OVCH1: variants seen among roughly 807,000 people sequenced by gnomAD.
OVCH1 encodes the protein ovochymase 1.
Under a neutral mutation model 138.4 loss-of-function variants are expected in OVCH1, and 139 were observed. The ratio of observed to expected loss-of-function variants is 1.00; its 90% CI spans 0.87 to 1.16. The LOEUF is 1.16. Ranked by LOEUF, OVCH1 falls within the 50% of genes most tolerant of loss-of-function variation. The pLI is 0.00. For synonymous variants in OVCH1, 453 were observed against 467.8 expected (o/e 0.97, Z 0.41); for missense variants, 1,367 against 1,357.9 (o/e 1.01, Z -0.11).
intron 22 of OVCH1, among the ~76,000 whole-genome samples, chr12:29,450,618 A>G (rs534574550): frequency 2.3e-4 from 35 of 152,322 alleles, no homozygotes; most frequent in Admixed American, 7.2e-4. Flanking sequence ...CGATTCCTCA[A>G]GGATCTAGAA....
chr12:29,407,637 G>C (rs1037839230), downstream of OVCH1, among the ~76,000 whole-genome samples: 3 of 152,078 alleles, frequency 2.0e-5, no homozygotes, highest in Non-Finnish European at 4.4e-5. Context: ...CATTGTTTCT[G>C]AGGGCTCTGT....
rs1183753325 is a variant in OVCH1, at chr12:29,455,157, C to A, written c.2437+92G>T. On this transcript the variant is annotated intron_variant, in intron 20 of 27. Coordinates refer to ENST00000318184, the Ensembl canonical transcript of OVCH1. The stretch of plus-strand genomic sequence containing the variant: ...AAATGAAATTCTACTCTATGGTTTT[C>A]TCTTTCATGCTAATTTATACCACAC... 14 of 1,415,202 alleles carry A rather than the reference C, an allele frequency of 9.9e-6. No homozygotes were observed. In the Admixed American group the frequency reaches 3.2e-4, roughly 32 times the overall value. 87.7% of individuals were successfully genotyped at this position (1,415,202 alleles called of 1,614,324 possible). A position where few individuals can be genotyped will look rare whatever the true frequency, so the allele number is the denominator to read the frequency against.
At chr12:29,473,040 G>C in exon 15 of OVCH1, 2 of 1,610,140 alleles carry the variant, frequency 1.2e-6, no homozygotes, top group African/African-American at 2.7e-5. Flanking sequence ...ATGCAGAATA[G>C]CTTTTACGGT....
At chr12:29,471,867 A>C in exon 16 of OVCH1, 8 of 1,613,278 alleles carry the variant, frequency 5.0e-6, no homozygotes, top group Non-Finnish European at 6.8e-6. Context: ...CACATTGGTA[A>C]TCGCCTAGAA....
At chr12:29,490,971 T>C (rs1361074036) in intron 5 of OVCH1, 126 bp downstream of exon 5, 1 of 754,084 alleles carries the variant, frequency 1.3e-6, no homozygotes, top group African/African-American at 1.8e-5. Flanking sequence ...CCAGAAATCT[T>C]CGTTGTGTCA....
At position 29,477,085 on chromosome 12, in the gene OVCH1, A is replaced by C. The variant is rs752429675; in HGVS notation, c.1377+17T>G. 6.3e-7 allele frequency: 1 copy of C among 1,582,836 alleles called. No individual in the cohort carries two copies. On this transcript the variant is annotated intron_variant, in intron 12 of 27. Coordinates refer to ENST00000318184, the Ensembl canonical transcript of OVCH1. ...ACTCTATTCTTTATGAGGTAGAGCGATTCCTCAGTTGCCTACCTTTATAAT... is the reference window on the plus strand; with the variant it reads ...ACTCTATTCTTTATGAGGTAGAGCGCTTCCTCAGTTGCCTACCTTTATAAT...
At chr12:29,471,905 A>T in exon 16 of OVCH1, 3 of 1,613,554 alleles carry the variant, frequency 1.9e-6, no homozygotes, top group Non-Finnish European at 2.5e-6. Context: ...CATGGCCAAC[A>T]GTGGGGGCAG....
chr12:29,418,570 A>G (rs1941061706), intron 3 of OVCH1, among the ~76,000 whole-genome samples: 1 of 152,214 alleles, frequency 6.6e-6, no homozygotes, highest in Non-Finnish European at 1.5e-5. Context: ...CTGTATGGCA[A>G]AGGTTCAAAA....
chr12:29,409,922 A>G (rs1191697988), downstream of OVCH1, among the ~76,000 whole-genome samples: 3 of 152,078 alleles, frequency 2.0e-5, no homozygotes, highest in Admixed American at 6.6e-5. Context: ...AAAGTCTCCC[A>G]TTATTGGTGT....
intron 19 of OVCH1, among the ~76,000 whole-genome samples, chr12:29,456,202 G>T (rs1941947061): frequency 6.6e-6 from 1 of 151,996 alleles, no homozygotes; most frequent in Admixed American, 6.6e-5. Flanking sequence ...ATAGGTAGTA[G>T]CAGCAGTAAA....
At chr12:29,434,659 G>GT (rs1565568622) in intron 26 of OVCH1, among the ~76,000 whole-genome samples, 1 of 151,756 alleles carries the variant, frequency 6.6e-6, no homozygotes, top group Non-Finnish European at 1.5e-5. Flanking sequence ...TGTGAAAATC[G>GT]TAAGAGATTT....
chr12:29,469,872 A>C (rs1450012985), intron 16 of OVCH1, among the ~76,000 whole-genome samples: 1 of 152,026 alleles, frequency 6.6e-6, no homozygotes, highest in African/African-American at 2.4e-5. Context: ...GGTTCTCAAA[A>C]CAAGATGGGG....
chr12:29,472,001 C>A lies in OVCH1; in HGVS notation c.1676-19G>T, dbSNP rs1464499457. ...CAGACATCTACAGTAAAGATGAAACCAATGACCCATAAGGTTGCAGTAATT... is the reference window on the plus strand; with the variant it reads ...CAGACATCTACAGTAAAGATGAAACAAATGACCCATAAGGTTGCAGTAATT... On this transcript the variant is annotated intron_variant, in intron 15 of 27. Coordinates refer to ENST00000318184, the Ensembl canonical transcript of OVCH1. The A allele has an allele frequency of 6.3e-7, 1 of 1,594,272 alleles. No individual in the cohort carries two copies.
At chr12:29,496,835 CCA>C (rs2136104198) in intron 1 of OVCH1, among the ~76,000 whole-genome samples, 161 bp from the exon 2 acceptor site, 1 of 152,324 alleles carries the variant, frequency 6.6e-6, no homozygotes, top group South Asian at 2.1e-4. Flanking sequence ...TCAGAATATC[CCA>C]CAGTCACCTG....
At chr12:29,497,246 A>G (rs1409185508) in intron 1 of OVCH1, among the ~76,000 whole-genome samples, 1 of 150,564 alleles carries the variant, frequency 6.6e-6, no homozygotes, top group East Asian at 1.9e-4. Context: ...TGGGTGACAG[A>G]GCCAGACCCT....
At chr12:29,436,547 C>T (rs1941363171) in intron 26 of OVCH1, among the ~76,000 whole-genome samples, 1 of 152,218 alleles carries the variant, frequency 6.6e-6, no homozygotes, top group Admixed American at 6.5e-5. Context: ...GGTTCTTGGT[C>T]TTGCTGACTT....
At chr12:29,444,361 A>G in intron 23 of OVCH1, 81 bp from the exon 24 acceptor site, 1 of 1,372,756 alleles carries the variant, frequency 7.3e-7, no homozygotes, top group Non-Finnish European at 9.9e-7. Flanking sequence ...GATCAAGGTA[A>G]ACAGCTCTCT....
At chr12:29,486,737 G>A (rs557766576) in intron 7 of OVCH1, 4 of 313,872 alleles carry the variant, frequency 1.3e-5, no homozygotes, top group South Asian at 1.1e-4. Flanking sequence ...TCCTAAGGAA[G>A]CATTATTTAA....
chr12:29,427,541 A>G (rs1396591821), downstream of OVCH1: 2 of 1,550,692 alleles, frequency 1.3e-6, no homozygotes, highest in South Asian at 1.2e-5. Flanking sequence ...CTCTTCCTCC[A>G]TGTGAGGACC....
Sources: allele counts gnomAD v4.1 joint callset (sites outside exome capture counted in the v4.1 genomes callset), GRCh38; gene constraint gnomAD v4.1.1; transcripts MANE v1.5; gene names NCBI Gene and HGNC (gene_info 2026-07-23, HGNC 2026-07-21).